Variants in ADCY1 observed in about 807,000 individuals in gnomAD.
ADCY1 encodes adenylate cyclase type 1.
A neutral mutation model predicts 105.4 loss-of-function variants in ADCY1; 28 were observed. The ratio of observed to expected loss-of-function variants is 0.27; its 90% CI spans 0.20 to 0.36. The LOEUF (loss-of-function observed/expected upper bound fraction) is 0.36, where lower values mean the gene tolerates loss of function less well. ADCY1 is among the 10% of genes least tolerant of loss of function. The pLI is 1.00. For missense variants in ADCY1, 977 were observed against 1,434.2 expected (o/e 0.68, Z 5.15); for synonymous variants, 655 against 623.8 (o/e 1.05, Z -0.75).
chr7:45,660,939 CAG>C (rs1375116799), intron 7 of ADCY1, among the ~76,000 whole-genome samples: 4 of 123,310 alleles, frequency 3.2e-5, no homozygotes, highest in Non-Finnish European at 5.0e-5. Context: ...GGGCTCAGGT[CAG>C]GGGTTCATGG....
chr7:45,709,397 A>G (rs931001766), intron 18 of ADCY1, among the ~76,000 whole-genome samples: 4 of 152,192 alleles, frequency 2.6e-5, no homozygotes, highest in African/African-American at 9.7e-5. Flanking sequence ...GGGCTGGACA[A>G]GGATCTCTCG....
intron 10 of ADCY1, 31 bp downstream of exon 10, chr7:45,678,294 T>G (rs1784498790): frequency 1.3e-6 from 2 of 1,597,932 alleles, no homozygotes; most frequent in African/African-American, 2.7e-5. Context: ...GGTGAGGAAC[T>G]CACCAAGAAG....
chr7:45,655,092 A>T (rs1241248351), intron 5 of ADCY1, among the ~76,000 whole-genome samples: 1 of 152,202 alleles, frequency 6.6e-6, no homozygotes, highest in African/African-American at 2.4e-5. Context: ...GCACAGCTAT[A>T]GCTACAGTGC....
At chr7:45,650,740 TA>T (rs1339285298) in intron 5 of ADCY1, among the ~76,000 whole-genome samples, 2 of 152,124 alleles carry the variant, frequency 1.3e-5, no homozygotes, top group Non-Finnish European at 2.9e-5. Flanking sequence ...TTCTGGGCCT[TA>T]AAGGGTGCTG....
intron 1 of ADCY1, among the ~76,000 whole-genome samples, chr7:45,580,842 C>T (rs767251105): frequency 3.0e-4 from 45 of 152,102 alleles, no homozygotes; most frequent in Admixed American, 7.9e-4. Context: ...CAGCAGGCTG[C>T]GGTCAGTGGT....
At position 45,721,781 on chromosome 7, in the gene ADCY1, C is replaced by T. The variant is rs1785478303; in HGVS notation, c.*7786C>T. 8 of 398,468 alleles carry T rather than the reference C, an allele frequency of 2.0e-5. No homozygotes were observed. The Admixed American group carries it at 2.6e-4, about 13-fold the overall frequency. 24.7% of individuals were successfully genotyped at this position (398,468 alleles called of 1,614,324 possible). On this transcript the variant is annotated 3_prime_UTR_variant, in exon 20 of 20. Transcript: ENST00000297323. ...GTGAGAGATTTGACAACCACCAGAGCACATGTGCTCTGACCCTCTCCTGGG... is the reference window on the plus strand; with the variant it reads ...GTGAGAGATTTGACAACCACCAGAGTACATGTGCTCTGACCCTCTCCTGGG...
At chr7:45,712,541 T>G (rs971423165) in intron 19 of ADCY1, among the ~76,000 whole-genome samples, 3 of 152,114 alleles carry the variant, frequency 2.0e-5, no homozygotes, top group Non-Finnish European at 2.9e-5. Context: ...ACCCTTGCAC[T>G]CACAGGGCCT....
chr7:45,629,333 C>CAATTT (rs1215940201), intron 4 of ADCY1, among the ~76,000 whole-genome samples: 5 of 152,104 alleles, frequency 3.3e-5, no homozygotes, highest in Non-Finnish European at 7.3e-5. Context: ...TGTAGCTGTA[C>CAATTT]TGAAGCTTGT....
chr7:45,578,914 TG>T (rs1792434205), intron 1 of ADCY1, among the ~76,000 whole-genome samples: 1 of 152,256 alleles, frequency 6.6e-6, no homozygotes, highest in South Asian at 2.1e-4. Flanking sequence ...TCCATTGCAG[TG>T]TGCAAATTAT....
intron 4 of ADCY1, among the ~76,000 whole-genome samples, chr7:45,636,626 C>A (rs1018957248): frequency 1.3e-5 from 2 of 152,160 alleles, no homozygotes; most frequent in African/African-American, 2.4e-5. Context: ...CTGTAACCTC[C>A]GCCTCCCGGG....
chr7:45,609,389 G>A (rs1007511835), intron 2 of ADCY1, among the ~76,000 whole-genome samples: 1 of 152,240 alleles, frequency 6.6e-6, no homozygotes, highest in African/African-American at 2.4e-5. Context: ...CTACTGCTAA[G>A]GCTCCTTGGA....
chr7:45,624,403 C>T (rs1464308647), intron 4 of ADCY1, among the ~76,000 whole-genome samples: 2 of 152,066 alleles, frequency 1.3e-5, no homozygotes, highest in Non-Finnish European at 2.9e-5. Flanking sequence ...TTGGAAGATC[C>T]CTGTGGGGAA....
intron 4 of ADCY1, among the ~76,000 whole-genome samples, chr7:45,633,526 C>T (rs773733481): frequency 8.6e-5 from 13 of 152,026 alleles, no homozygotes; most frequent in Non-Finnish European, 1.6e-4. Context: ...TAGCAAGGCC[C>T]GGCACGGTGG....
intron 4 of ADCY1, among the ~76,000 whole-genome samples, chr7:45,638,895 T>C (rs1333296569): frequency 6.6e-6 from 1 of 152,182 alleles, no homozygotes; most frequent in South Asian, 2.1e-4. Flanking sequence ...ATATTTAGAC[T>C]GTAGGCTCAA....
chr7:45,665,240 A>T (rs958575494), intron 8 of ADCY1, among the ~76,000 whole-genome samples: 15 of 152,250 alleles, frequency 9.9e-5, no homozygotes, highest in African/African-American at 3.6e-4. Context: ...AATGAAGCAA[A>T]TCGTGGACAG....
At chr7:45,697,500 C>T (rs984254823) in intron 14 of ADCY1, among the ~76,000 whole-genome samples, 1 of 149,620 alleles carries the variant, frequency 6.7e-6, no homozygotes, top group Non-Finnish European at 1.5e-5. Flanking sequence ...AAGTGATTCT[C>T]CTGCCTCAGC....
chr7:45,694,966 G>T (rs1334528365), intron 14 of ADCY1, among the ~76,000 whole-genome samples: 1 of 152,238 alleles, frequency 6.6e-6, no homozygotes, highest in Admixed American at 6.5e-5. Context: ...CTCAACTAGA[G>T]ACTTGAAGAG....
chr7:45,671,749 T>G (rs1299109844), intron 8 of ADCY1, among the ~76,000 whole-genome samples: 1 of 152,256 alleles, frequency 6.6e-6, no homozygotes. Flanking sequence ...TGTCTCTTCA[T>G]GTCTTTTGTC....
chr7:45,711,031 G>A (rs1785221350), intron 19 of ADCY1, among the ~76,000 whole-genome samples: 1 of 152,186 alleles, frequency 6.6e-6, no homozygotes, highest in Non-Finnish European at 1.5e-5. Flanking sequence ...AGGGTGCTGT[G>A]CATGTCCACC....
Sources: gnomAD v4.1 joint callset for allele counts (sites outside exome capture counted in the v4.1 genomes callset) on GRCh38, gnomAD v4.1.1 for gene constraint, MANE v1.5 for transcripts, NCBI Gene and HGNC (gene_info 2026-07-23, HGNC 2026-07-21) for gene names.